The following PCDH11X variants were observed in gnomAD, a reference collection of about 807,000 sequenced individuals.
PCDH11X encodes protocadherin 11 X-linked.
In PCDH11X, 18 loss-of-function variants were observed where a neutral mutation model predicts 53.3. The ratio of observed to expected loss-of-function variants is 0.34; its 90% CI spans 0.23 to 0.50. The LOEUF is 0.50. Among genes scored for constraint, PCDH11X ranks in the 20% least tolerant of loss-of-function variants. The pLI is 0.98. For synonymous variants in PCDH11X, 279 were observed against 393.3 expected (o/e 0.71, Z 3.44); for missense variants, 570 against 1,032.4 (o/e 0.55, Z 6.14).
chrX:92,157,714 A>G (rs2065563547), intron 6 of PCDH11X, among the ~76,000 whole-genome samples: 1 of 111,936 alleles, frequency 8.9e-6, no homozygotes, highest in South Asian at 3.7e-4. Flanking sequence ...TTAGAAGCTC[A>G]GTTTGAATTT....
At chrX:92,580,705 G>A (rs1205164064) in intron 10 of PCDH11X, among the ~76,000 whole-genome samples, 3 of 112,024 alleles carry the variant, frequency 2.7e-5, no homozygotes, top group Non-Finnish European at 3.8e-5. Context: ...CCAAGTGGCT[G>A]CCGAGAGTCT....
chrX:91,899,106 C>T (rs1198711412), intron 6 of PCDH11X, among the ~76,000 whole-genome samples: 1 of 111,270 alleles, frequency 9.0e-6, no homozygotes, highest in African/African-American at 3.3e-5. Flanking sequence ...TTGACTCACA[C>T]TATCACAAGA....
At chrX:91,991,677 A>AT (rs753517279) in intron 6 of PCDH11X, among the ~76,000 whole-genome samples, 12 of 96,372 alleles carry the variant, frequency 1.2e-4, no homozygotes, top group South Asian at 4.5e-4. Flanking sequence ...TGTTGTTTCA[A>AT]TTTTTTTTTT....
chrX:92,460,049 A>G (rs2073002427), intron 9 of PCDH11X: 13 of 950,293 alleles, frequency 1.4e-5, no homozygotes, highest in Non-Finnish European at 1.9e-5. Context: ...TGGAGCCATT[A>G]CTGCAAGACC....
intron 7 of PCDH11X, among the ~76,000 whole-genome samples, chrX:92,246,684 T>C: frequency 8.9e-6 from 1 of 111,775 alleles, no homozygotes; most frequent in Non-Finnish European, 1.9e-5. Flanking sequence ...TTACAGTCGA[T>C]GTGATTTTGG....
chrX:92,469,155 G>A (rs1420645000), intron 10 of PCDH11X, among the ~76,000 whole-genome samples: 1 of 100,217 alleles, frequency 1.0e-5, no homozygotes, highest in African/African-American at 3.6e-5. Flanking sequence ...AATAGAAAGA[G>A]CACTTAAAGA....
intron 10 of PCDH11X, among the ~76,000 whole-genome samples, chrX:92,513,758 A>C (rs1276499151): frequency 9.0e-6 from 1 of 111,425 alleles, no homozygotes; most frequent in Non-Finnish European, 1.9e-5. Context: ...GATTCTTTGA[A>C]GTATAAATTA....
At chrX:92,366,091 C>A (rs1475492418) in intron 8 of PCDH11X, among the ~76,000 whole-genome samples, 2 of 109,823 alleles carry the variant, frequency 1.8e-5, no homozygotes, top group African/African-American at 3.3e-5. Flanking sequence ...TGGGAGAATT[C>A]GGCTATGAAT....
At chrX:91,921,637 TGATA>T (rs986562939) in intron 6 of PCDH11X, among the ~76,000 whole-genome samples, 5 of 102,069 alleles carry the variant, frequency 4.9e-5, no homozygotes, top group Middle Eastern at 9.9e-3. Flanking sequence ...TTTCATGGCT[TGATA>T]GATCATTTTT....
rs59199030 is a variant in PCDH11X, at chrX:91,917,569, C to CAAAAAAAAA, written c.3033+38315_3033+38323dup. 3.8e-4 allele frequency among the ~76,000 whole-genome samples: 6 copies of CAAAAAAAAA among 15,891 alleles called. 1 individual carries two copies. The highest frequency in any genetic ancestry group is 1.5e-3 in the African/African-American group (6 of 4,116). The allele number at this position is 15,891 out of a possible 115,157, so 13.8% of individuals were successfully genotyped here. A position where few individuals can be genotyped will look rare whatever the true frequency, so the allele number is the denominator to read the frequency against. On this transcript the variant is annotated intron_variant, in intron 6 of 10. Transcript: ENST00000682573. Reference sequence around the variant, plus strand: ...AACTCAATCTTTTTTACAGCAGCTGCAAAAAAAAAAAAAAAAAAAAAAAAA... The same window carrying CAAAAAAAAA: ...AACTCAATCTTTTTTACAGCAGCTGCAAAAAAAAAAAAAAAAAAAAAAAAAAAAAAAAAA...
chrX:92,431,409 G>A (rs143164654), intron 9 of PCDH11X, among the ~76,000 whole-genome samples: 1,322 of 110,345 alleles, frequency 0.012, 17 homozygotes, highest in African/African-American at 0.041. Flanking sequence ...TTACAAAATT[G>A]CACTGGAGTT....
intron 10 of PCDH11X, among the ~76,000 whole-genome samples, chrX:92,485,500 A>T (rs997192637): frequency 1.8e-5 from 2 of 111,609 alleles, no homozygotes; most frequent in Non-Finnish European, 3.8e-5. Flanking sequence ...TCGATGTATT[A>T]TTTTTAGTAA....
chrX:92,562,975 G>T (rs1348820495), intron 10 of PCDH11X, among the ~76,000 whole-genome samples: 1 of 102,269 alleles, frequency 9.8e-6, no homozygotes, highest in African/African-American at 3.6e-5. Flanking sequence ...TCCAGTTTCT[G>T]TCTGCTACCC....
chrX:92,067,770 A>G (rs1225519213), intron 6 of PCDH11X, among the ~76,000 whole-genome samples: 4 of 111,622 alleles, frequency 3.6e-5, no homozygotes, highest in Non-Finnish European at 7.5e-5. Flanking sequence ...GGTAGAATTC[A>G]GCAGTGAAAC....
chrX:91,842,316 A>T (rs933383115), intron 5 of PCDH11X, among the ~76,000 whole-genome samples: 11 of 110,836 alleles, frequency 9.9e-5, no homozygotes, highest in African/African-American at 3.6e-4. Context: ...GAAGGAAAAT[A>T]TTGAGTCTAA....
At chrX:92,030,868 C>A (rs2063038214) in intron 6 of PCDH11X, among the ~76,000 whole-genome samples, 1 of 104,152 alleles carries the variant, frequency 9.6e-6, no homozygotes, top group African/African-American at 3.7e-5. Context: ...GTATGACTTT[C>A]TTTTATCCAT....
chrX:91,971,291 ATAAT>A (rs1031291761), intron 6 of PCDH11X, among the ~76,000 whole-genome samples: 8 of 110,027 alleles, frequency 7.3e-5, no homozygotes, highest in African/African-American at 2.7e-4. Flanking sequence ...GTAAAACAAA[ATAAT>A]TCAATTAAGC....
At chrX:92,491,053 T>A (rs1269960348) in intron 10 of PCDH11X, among the ~76,000 whole-genome samples, 3 of 107,411 alleles carry the variant, frequency 2.8e-5, no homozygotes, top group African/African-American at 1.0e-4. Flanking sequence ...TTTTGTGATC[T>A]ATTTTCATAT....
At position 92,042,491 on chromosome X, in the gene PCDH11X, C is replaced by T. The variant is rs767876875; in HGVS notation, c.3034-158884C>T. Reference sequence around the variant, plus strand: ...CTGACAAAATTTTTTTTCTTATGAGCACCTACCATGTGATTTTAGAGTAAC... The same window carrying T: ...CTGACAAAATTTTTTTTCTTATGAGTACCTACCATGTGATTTTAGAGTAAC... On this transcript the variant is annotated intron_variant, in intron 6 of 10. Transcript: ENST00000682573. Among the ~76,000 whole-genome samples the T allele has an allele frequency of 2.7e-3, 283 of 104,981 alleles. 2 individuals carry two copies. Among genetic ancestry groups the T allele is most frequent in the Non-Finnish European group, 4.1e-3 (212 of 52,121 alleles). The allele number at this position is 104,981 out of a possible 115,157, so 91.2% of individuals were successfully genotyped here.
Sources: allele counts gnomAD v4.1 joint callset (sites outside exome capture counted in the v4.1 genomes callset), GRCh38; gene constraint gnomAD v4.1.1; transcripts MANE v1.5; gene names NCBI Gene and HGNC (gene_info 2026-07-23, HGNC 2026-07-21).